Variants in DRD3 observed in about 807,000 individuals in gnomAD.
DRD3 encodes D(3) dopamine receptor.
Under a neutral mutation model 36.3 loss-of-function variants are expected in DRD3, and 19 were observed. The observed-to-expected ratio is 0.52, with a 90% confidence interval of 0.36 to 0.77. The LOEUF is 0.77. DRD3 is among the 30% of genes least tolerant of loss of function. DRD3 has a pLI of 0.00. For missense variants in DRD3, 465 were observed against 505.3 expected (o/e 0.92, Z 0.77); for synonymous variants, 195 against 203.7 (o/e 0.96, Z 0.36).
chr3:114,171,080 T>C (rs2077836077), intron 2 of DRD3, among the ~76,000 whole-genome samples: 1 of 152,200 alleles, frequency 6.6e-6, no homozygotes, highest in Admixed American at 6.5e-5. Context: ...TTCACCAGGA[T>C]CTGCTGCACT....
chr3:114,196,746 T>C (rs2078037449), intron 1 of DRD3, among the ~76,000 whole-genome samples: 1 of 152,218 alleles, frequency 6.6e-6, no homozygotes. Context: ...GGGCATCTTT[T>C]CTTGTGCTTG....
At chr3:114,184,833 G>A (rs1044741492) in intron 1 of DRD3, among the ~76,000 whole-genome samples, 2 of 152,046 alleles carry the variant, frequency 1.3e-5, no homozygotes, top group Non-Finnish European at 2.9e-5. Flanking sequence ...CAAAATGTTG[G>A]GATTATATGT....
intron 3 of DRD3, among the ~76,000 whole-genome samples, chr3:114,148,298 C>G (rs1423612626): frequency 6.6e-6 from 1 of 152,076 alleles, no homozygotes; most frequent in African/African-American, 2.4e-5. Context: ...TAGAACATAC[C>G]TAAAGAGGAT....
intron 2 of DRD3, among the ~76,000 whole-genome samples, chr3:114,169,123 A>G (rs189306645): frequency 6.6e-6 from 1 of 151,650 alleles, no homozygotes; most frequent in East Asian, 2.0e-4. Flanking sequence ...TAGTGAGAAT[A>G]ATACTTTGCT....
chr3:114,153,507 C>T (rs1024150992), intron 3 of DRD3, among the ~76,000 whole-genome samples: 1 of 152,138 alleles, frequency 6.6e-6, no homozygotes, highest in African/African-American at 2.4e-5. Context: ...AAGTGCTTTA[C>T]GAATATTAAT....
chr3:114,139,817 G>T (rs2077509040), intron 4 of DRD3, 121 bp from the exon 5 acceptor site: 1 of 877,362 alleles, frequency 1.1e-6, no homozygotes, highest in Admixed American at 2.5e-5. Flanking sequence ...GGGGTGGGAA[G>T]GATGCAGTCT....
intron 2 of DRD3, among the ~76,000 whole-genome samples, chr3:114,167,037 T>C (rs1559995950): frequency 6.6e-6 from 1 of 152,202 alleles, no homozygotes; most frequent in African/African-American, 2.4e-5. Flanking sequence ...TTTTTAATAA[T>C]CGATATCATT....
At chr3:114,172,359 G>T (rs1443768929) in intron 1 of DRD3, among the ~76,000 whole-genome samples, 1 of 152,204 alleles carries the variant, frequency 6.6e-6, no homozygotes, top group Non-Finnish European at 1.5e-5. Context: ...GAGTATCTGA[G>T]TATAATCAGG....
intron 4 of DRD3, among the ~76,000 whole-genome samples, chr3:114,141,604 G>A (rs1488715814): frequency 6.6e-6 from 1 of 152,180 alleles, no homozygotes; most frequent in African/African-American, 2.4e-5. Context: ...AACGAAAAGA[G>A]TGTGCTCAGT....
chr3:114,130,979 C>A, intron 6 of DRD3, 139 bp downstream of exon 6: 1 of 1,178,320 alleles, frequency 8.5e-7, no homozygotes, highest in Non-Finnish European at 1.2e-6. Flanking sequence ...AGCATTTATA[C>A]ACAAATACTT....
At chr3:114,170,142 C>T (rs2077825357) in intron 2 of DRD3, among the ~76,000 whole-genome samples, 1 of 152,204 alleles carries the variant, frequency 6.6e-6, no homozygotes, top group African/African-American at 2.4e-5. Context: ...AGAAATATCA[C>T]ATGCTTCGAA....
chr3:114,198,036 T>C (rs762943287), intron 1 of DRD3, among the ~76,000 whole-genome samples: 1 of 152,180 alleles, frequency 6.6e-6, no homozygotes, highest in East Asian at 1.9e-4. Flanking sequence ...ATATAGATCT[T>C]CTATATAAAT....
rs191810231 is a variant in DRD3, at chr3:114,135,772, C to A, written c.723+3728G>T. Among the ~76,000 whole-genome samples, 50 of 152,178 alleles carry A rather than the reference C, an allele frequency of 3.3e-4. No homozygotes were observed. In the East Asian group the frequency reaches 9.5e-3, roughly 29 times the overall value. On this transcript the variant is annotated intron_variant, in intron 5 of 6. Transcript: ENST00000383673. Reference sequence around the variant, plus strand: ...TGGTGAAATCTCTGCTCACTGCAACCTTTGCTTCCTGGGTTAGAGTGATTC... The same window carrying A: ...TGGTGAAATCTCTGCTCACTGCAACATTTGCTTCCTGGGTTAGAGTGATTC...
chr3:114,187,222 TAA>T (rs2077980439), intron 1 of DRD3, among the ~76,000 whole-genome samples: 1 of 152,264 alleles, frequency 6.6e-6, no homozygotes, highest in South Asian at 2.1e-4. Context: ...AGATTAGAAA[TAA>T]ACGATCATTA....
At chr3:114,198,187 C>A (rs1327313854) in intron 1 of DRD3, among the ~76,000 whole-genome samples, 2 of 150,758 alleles carry the variant, frequency 1.3e-5, no homozygotes, top group Non-Finnish European at 3.0e-5. Context: ...ATGTCTTATT[C>A]TTAATGCTAT....
intron 3 of DRD3, among the ~76,000 whole-genome samples, chr3:114,148,711 C>A (rs1165758700): frequency 6.6e-6 from 1 of 151,958 alleles, no homozygotes; most frequent in Admixed American, 6.6e-5. Context: ...TGCTTGCTTG[C>A]TTATTTATTT....
At chr3:114,196,252 A>C (rs576249593) in intron 1 of DRD3, among the ~76,000 whole-genome samples, 1 of 152,238 alleles carries the variant, frequency 6.6e-6, no homozygotes, top group South Asian at 2.1e-4. Context: ...GCAGCTATGA[A>C]CATACATACA....
chr3:114,140,581 C>T (rs1334680344), intron 4 of DRD3, among the ~76,000 whole-genome samples: 1 of 152,204 alleles, frequency 6.6e-6, no homozygotes, highest in African/African-American at 2.4e-5. Context: ...TTATATGAGA[C>T]AGGTGCCATT....
At chr3:114,166,922 C>T (rs542013984) in intron 2 of DRD3, among the ~76,000 whole-genome samples, 4 of 152,274 alleles carry the variant, frequency 2.6e-5, no homozygotes, top group Non-Finnish European at 4.4e-5. Context: ...GTGACGAGAT[C>T]GTGAGAATCT....
Sources: allele counts gnomAD v4.1 joint callset (sites outside exome capture counted in the v4.1 genomes callset), GRCh38; gene constraint gnomAD v4.1.1; transcripts MANE v1.5; gene names NCBI Gene and HGNC (gene_info 2026-07-23, HGNC 2026-07-21).